DMTF1: variants seen among roughly 807,000 people sequenced by gnomAD.
The protein encoded by DMTF1 is cyclin-D-binding Myb-like transcription factor 1.
DMTF1 carries 39 observed loss-of-function variants against 91.1 expected under a neutral mutation model. The ratio of observed to expected loss-of-function variants is 0.43; its 90% CI spans 0.33 to 0.56. DMTF1 has a LOEUF of 0.56. Among genes scored for constraint, DMTF1 ranks in the 20% least tolerant of loss-of-function variants. The pLI is 0.05. For synonymous variants in DMTF1, 338 were observed against 309.5 expected (o/e 1.09, Z -0.97); for missense variants, 750 against 914.5 (o/e 0.82, Z 2.32).
At chr7:87,180,588 T>A (rs2129142328) in intron 8 of DMTF1, among the ~76,000 whole-genome samples, 1 of 152,310 alleles carries the variant, frequency 6.6e-6, no homozygotes, top group South Asian at 2.1e-4. Flanking sequence ...ATAATCTTAA[T>A]TTGTTCAGTG....
intron 13 of DMTF1, among the ~76,000 whole-genome samples, chr7:87,190,543 A>G (rs940406922): frequency 1.3e-5 from 2 of 152,114 alleles, no homozygotes; most frequent in African/African-American, 4.8e-5. Flanking sequence ...ACCAAGGGTT[A>G]GCAAACCTTT....
At chr7:87,166,742 C>A in intron 4 of DMTF1, 137 bp downstream of exon 4, 1 of 824,816 alleles carries the variant, frequency 1.2e-6, no homozygotes, top group Non-Finnish European at 2.0e-6. Context: ...CTCTTTTTAG[C>A]TAACAATAAA....
Position 87,195,659 on chromosome 7 carries a change from G to C in DMTF1, c.*519G>C, listed in dbSNP as rs1801086690. 1 of 152,560 alleles carries C rather than the reference G, an allele frequency of 6.6e-6. No individual in the cohort carries two copies. Among genetic ancestry groups the C allele is most frequent in the South Asian group, 2.1e-4 (1 of 4,820 alleles). 9.5% of individuals were successfully genotyped at this position (152,560 alleles called of 1,614,324 possible). A position where few individuals can be genotyped will look rare whatever the true frequency, so the allele number is the denominator to read the frequency against. On this transcript the variant is annotated 3_prime_UTR_variant, in exon 18 of 18. Transcript: ENST00000331242. ...AGACCTAGGAGGTGGTCTTGTGGTG[G>C]TACATTTGGTTAACCCATTGCTGGC...
chr7:87,158,902 GTT>G (rs1203647674), intron 1 of DMTF1, among the ~76,000 whole-genome samples: 1 of 151,972 alleles, frequency 6.6e-6, no homozygotes, highest in African/African-American at 2.4e-5. Flanking sequence ...GTTTCTAAAA[GTT>G]GTATTTTTCA....
intron 1 of DMTF1, among the ~76,000 whole-genome samples, chr7:87,162,188 C>T (rs1057068713): frequency 6.6e-6 from 1 of 152,162 alleles, no homozygotes; most frequent in Non-Finnish European, 1.5e-5. Context: ...ATCCTCCCAC[C>T]TCAGCCTCCA....
At chr7:87,175,260 A>G (rs893902365) in intron 7 of DMTF1, among the ~76,000 whole-genome samples, 1 of 152,040 alleles carries the variant, frequency 6.6e-6, no homozygotes, top group Non-Finnish European at 1.5e-5. Flanking sequence ...ACCTCAGGTG[A>G]TCCACCCATC....
intron 10 of DMTF1, among the ~76,000 whole-genome samples, chr7:87,182,583 C>T (rs1288919487): frequency 6.6e-6 from 1 of 152,192 alleles, no homozygotes; most frequent in Non-Finnish European, 1.5e-5. Context: ...TGATTCAGAT[C>T]TAACATGTTT....
chr7:87,167,944 T>C (rs73206942), intron 4 of DMTF1, among the ~76,000 whole-genome samples: 3,955 of 152,316 alleles, frequency 0.026, 78 homozygotes, highest in East Asian at 0.064. Flanking sequence ...CAATGTCTTG[T>C]TCATGATTGT....
At chr7:87,168,015 C>T (rs113318270) in intron 4 of DMTF1, among the ~76,000 whole-genome samples, 4,162 of 152,250 alleles carry the variant, frequency 0.027, 78 homozygotes, top group Middle Eastern at 0.071. Context: ...TCCTTCATGG[C>T]GCTGTTCACT....
intron 1 of DMTF1, among the ~76,000 whole-genome samples, chr7:87,159,232 T>G (rs1791583373): frequency 6.6e-6 from 1 of 152,004 alleles, no homozygotes; most frequent in African/African-American, 2.4e-5. Flanking sequence ...AAATAAGGAG[T>G]GCATAAATAA....
chr7:87,167,995 G>A (rs1450048001), intron 4 of DMTF1, among the ~76,000 whole-genome samples: 2 of 152,120 alleles, frequency 1.3e-5, no homozygotes, highest in Non-Finnish European at 2.9e-5. Context: ...TTTTATGGTG[G>A]TAAACCAAAT....
Position 87,184,594 on chromosome 7 carries a change from A to C in DMTF1, c.1018A>C (p.Thr340Pro). 6.2e-7 allele frequency: 1 copy of C among 1,613,918 alleles called. No individual in the cohort carries two copies. Among genetic ancestry groups the C allele is most frequent in the Non-Finnish European group, 8.5e-7 (1 of 1,179,898 alleles). Reference sequence around the variant, plus strand: ...GAAACAGAGTGGGGGTACTGAATGGACCAAGGAAGATGAAATCAATCTCAT... The same window carrying C: ...GAAACAGAGTGGGGGTACTGAATGGCCCAAGGAAGATGAAATCAATCTCAT... ...NWKQSGGTEW[T>P]KEDEINLILR... Residue 340 changes from threonine to proline, a missense_variant, in exon 11 of 18, where the codon ACC becomes CCC. Thr to Pro is a conservative substitution (Grantham distance 38, BLOSUM62 -1). Transcript: ENST00000331242.
At position 87,171,076 on chromosome 7, in the gene DMTF1, T is replaced by C; in HGVS notation, c.314T>C (p.Val105Ala). ...VADDEVTEGT[V>A]TQIQILQNEQ... is the part of the protein sequence containing the mutation. ...GATGATGAGGTTACTGAGGGGACTG[T>C]GACACAGATACAGGTATAGTAAATC... Residue 105 changes from valine to alanine, a missense_variant, in exon 5 of 18, where the codon GTG becomes GCG. Physicochemically the swap from Val to Ala is moderately conservative, Grantham distance 64. Transcript: ENST00000331242. 1.9e-6 allele frequency: 3 copies of C among 1,604,948 alleles called. No homozygotes were observed. Among genetic ancestry groups the C allele is most frequent in the Non-Finnish European group, 2.6e-6 (3 of 1,171,954 alleles).
At chr7:87,193,173 A>G in intron 14 of DMTF1, 25 bp from the exon 15 acceptor site, 1 of 1,611,220 alleles carries the variant, frequency 6.2e-7, no homozygotes, top group Non-Finnish European at 8.5e-7. Context: ...AATCATTGTT[A>G]AACTATCTTT....
chr7:87,190,218 G>T (rs1051543092), intron 13 of DMTF1, among the ~76,000 whole-genome samples: 4 of 152,032 alleles, frequency 2.6e-5, no homozygotes, highest in African/African-American at 9.6e-5. Context: ...CCCAAATGTG[G>T]TCTTCGGAAA....
intron 10 of DMTF1, among the ~76,000 whole-genome samples, chr7:87,183,324 A>AT (rs1173235582): frequency 2.6e-5 from 4 of 152,236 alleles, no homozygotes; most frequent in Non-Finnish European, 5.9e-5. Context: ...TCAGAGTTTC[A>AT]TGTAAGATGC....
rs1793480666 is a variant in DMTF1, at chr7:87,165,005, A to T, written c.64A>T (p.Thr22Ser). Residue 22 changes from threonine (T) to serine (S), a missense_variant, in exon 3 of 18, where the codon ACT becomes TCT. Around this residue, in one of 3 missense-constraint regions of DMTF1, gnomAD observed 150 missense variants for 150.4 expected, o/e 1.00. Coordinates refer to ENST00000331242, the MANE Select transcript of DMTF1 (RefSeq NM_001142327.2). ...AGAAACTGTGAACTCTGTGACTTTG[A>T]CTCAGGACACAGAAGGGAATCTCAT... ...TVETVNSVTL[T>S]QDTEGNLILH... 1 of 1,610,514 alleles carries T rather than the reference A, an allele frequency of 6.2e-7. No individual in the cohort carries two copies.
intron 10 of DMTF1, 39 bp downstream of exon 10, chr7:87,182,376 C>T (rs1244306941): frequency 1.3e-6 from 2 of 1,596,436 alleles, no homozygotes; most frequent in East Asian, 4.5e-5. Context: ...CTTGTCACCA[C>T]TTAAGCCTCC....
At position 87,193,941 on chromosome 7, in the gene DMTF1, G is replaced by A; in HGVS notation, c.1867G>A (p.Val623Met). The change falls in exon 16 of 18, where the codon GTG (valine) becomes ATG (methionine). Residue 623 changes from valine to methionine, a missense_variant. Coordinates refer to ENST00000331242, the MANE Select transcript of DMTF1 (RefSeq NM_001142327.2). ...PDEIHHPKMTVEPSFNDAHVS... is the reference protein window; with the variant it reads ...PDEIHHPKMTMEPSFNDAHVS... ...TGAAATTCATCACCCTAAGATGACT[G>A]TGGAGCCATCATTTAATGATGCTCA... 3 of 1,613,346 alleles carry A rather than the reference G, an allele frequency of 1.9e-6. No individual in the cohort carries two copies. The South Asian group carries it at 3.3e-5, about 18-fold the overall frequency.
Sources: gnomAD v4.1 joint callset for allele counts (sites outside exome capture counted in the v4.1 genomes callset) on GRCh38, gnomAD v4.1.1 for gene constraint, gnomAD v4.1.1 regional missense constraint, MANE v1.5 for transcripts, NCBI Gene and HGNC (gene_info 2026-07-23, HGNC 2026-07-21) for gene names.